The following BABAM2 variants were observed in gnomAD, a reference collection of about 807,000 sequenced individuals.
BABAM2 encodes BRISC and BRCA1 A complex member 2.
BABAM2 carries 31 observed loss-of-function variants against 54.7 expected under a neutral mutation model. The ratio of observed to expected loss-of-function variants is 0.57; its 90% CI spans 0.43 to 0.77. BABAM2 has a LOEUF of 0.77. Ranked by LOEUF, BABAM2 falls within the 30% of genes least tolerant of loss-of-function variation. BABAM2 has a pLI of 0.00. For missense variants in BABAM2, 364 were observed against 455.8 expected (o/e 0.80, Z 1.83); for synonymous variants, 167 against 162.9 (o/e 1.03, Z -0.19).
intron 7 of BABAM2, among the ~76,000 whole-genome samples, chr2:28,149,769 C>G (rs1671842772): frequency 6.6e-6 from 1 of 152,198 alleles, no homozygotes; most frequent in Non-Finnish European, 1.5e-5. Context: ...CCTTCCTTCT[C>G]TGGCTGCTTT....
chr2:28,102,202 A>T (rs147457292), intron 6 of BABAM2, among the ~76,000 whole-genome samples: 1 of 152,338 alleles, frequency 6.6e-6, no homozygotes, highest in African/African-American at 2.4e-5. Flanking sequence ...TTTTGAATAA[A>T]TAAATGAATA....
chr2:28,226,625 G>A (rs1473660819), intron 7 of BABAM2, among the ~76,000 whole-genome samples: 4 of 152,156 alleles, frequency 2.6e-5, no homozygotes, highest in Non-Finnish European at 5.9e-5. Context: ...AGAGATGGAA[G>A]GGGCTTATCT....
chr2:28,332,448 T>G (rs960844495), intron 11 of BABAM2, among the ~76,000 whole-genome samples: 5 of 152,118 alleles, frequency 3.3e-5, no homozygotes, highest in African/African-American at 1.2e-4. Flanking sequence ...GTAGAAATCA[T>G]CCTGTTACAG....
rs1167991146 is a variant in BABAM2 at position 27,970,983 on chromosome 2, G to A, written c.206-17010G>A. 2.0e-5 allele frequency among the ~76,000 whole-genome samples: 3 copies of A among 152,056 alleles called. No homozygotes were observed. The East Asian group carries it at 5.8e-4, about 29-fold the overall frequency. On this transcript the variant is annotated intron_variant, in intron 3 of 11. Transcript: ENST00000379624. ...TTGTCAAGCTTTTAAAATAAGTGAT[G>A]TTATATACTTCTCAGTGCAGTTACC... is the stretch of plus-strand genomic sequence containing the variant.
intron 10 of BABAM2, among the ~76,000 whole-genome samples, chr2:28,261,450 C>T (rs979175726): frequency 2.0e-5 from 3 of 151,908 alleles, no homozygotes; most frequent in South Asian, 2.1e-4. Flanking sequence ...CTGCCTCAGC[C>T]TCCCGAGTAG....
intron 6 of BABAM2, among the ~76,000 whole-genome samples, chr2:28,126,747 T>C (rs1413952566): frequency 2.1e-5 from 3 of 143,896 alleles, no homozygotes; most frequent in African/African-American, 7.8e-5. Context: ...TGAACTAGTT[T>C]ACAGTCCCAC....
intron 2 of BABAM2, among the ~76,000 whole-genome samples, chr2:27,924,923 A>G (rs1667578457): frequency 6.6e-6 from 1 of 152,244 alleles, no homozygotes; most frequent in South Asian, 2.1e-4. Flanking sequence ...TGATTTGCCC[A>G]ACATTTCATT....
At chr2:28,184,295 C>T (rs1308438942) in intron 7 of BABAM2, among the ~76,000 whole-genome samples, 3 of 122,452 alleles carry the variant, frequency 2.4e-5, no homozygotes, top group Non-Finnish European at 5.3e-5. Context: ...TCCCCCCCTC[C>T]CTCTCTCCCT....
At chr2:28,098,391 T>C (rs1222067390) in intron 6 of BABAM2, among the ~76,000 whole-genome samples, 1 of 152,248 alleles carries the variant, frequency 6.6e-6, no homozygotes, top group Non-Finnish European at 1.5e-5. Context: ...ATTTTTATCC[T>C]GCAACTTTGC....
intron 10 of BABAM2, among the ~76,000 whole-genome samples, chr2:28,262,485 T>G (rs1684618753): frequency 6.6e-6 from 1 of 151,910 alleles, no homozygotes; most frequent in Non-Finnish European, 1.5e-5. Context: ...GGAAGAAAAA[T>G]GTTTAAGAAA....
intron 3 of BABAM2, among the ~76,000 whole-genome samples, chr2:27,943,687 G>A (rs1326669042): frequency 6.6e-6 from 1 of 152,126 alleles, no homozygotes; most frequent in Non-Finnish European, 1.5e-5. Context: ...ATGCTGTCTA[G>A]GGACTTAGTA....
At chr2:28,248,207 C>CTTTTTTTTTTTT (rs780563394) in intron 10 of BABAM2, among the ~76,000 whole-genome samples, 4 of 54,306 alleles carry the variant, frequency 7.4e-5, no homozygotes, top group African/African-American at 1.3e-4. Flanking sequence ...TTTTCTTTTT[C>CTTTTTTTTTTTT]TTTTTTTTTT....
intron 11 of BABAM2, among the ~76,000 whole-genome samples, chr2:28,314,920 G>A (rs185045102): frequency 6.6e-5 from 10 of 151,318 alleles, no homozygotes; most frequent in East Asian, 2.0e-4. Context: ...GAGGTATGCC[G>A]GTGTCCACTG....
chr2:27,909,732 A>T (rs1666443185), intron 2 of BABAM2, among the ~76,000 whole-genome samples: 1 of 152,158 alleles, frequency 6.6e-6, no homozygotes, highest in Non-Finnish European at 1.5e-5. Flanking sequence ...GTGGCAAAGG[A>T]CACCCATTTA....
intron 6 of BABAM2, among the ~76,000 whole-genome samples, chr2:28,120,177 C>T (rs1351326703): frequency 6.6e-6 from 1 of 152,156 alleles, no homozygotes; most frequent in Non-Finnish European, 1.5e-5. Context: ...GACATTAAAA[C>T]ACATAAAGCA....
At chr2:27,900,048 A>C (rs1313574754) in intron 2 of BABAM2, among the ~76,000 whole-genome samples, 3 of 152,210 alleles carry the variant, frequency 2.0e-5, no homozygotes, top group Non-Finnish European at 2.9e-5. Context: ...TCGTTTCTGT[A>C]ACAAAACAAT....
At chr2:28,292,494 C>T (rs550465093) in intron 10 of BABAM2, among the ~76,000 whole-genome samples, 19 of 152,260 alleles carry the variant, frequency 1.2e-4, no homozygotes, top group South Asian at 4.1e-4. Flanking sequence ...TTTGACTGCA[C>T]GTATCAGAAG....
chr2:28,333,630 A>G (rs1032325897), intron 11 of BABAM2, among the ~76,000 whole-genome samples: 46 of 152,216 alleles, frequency 3.0e-4, no homozygotes, highest in African/African-American at 8.9e-4. Flanking sequence ...GAGCAGAGAG[A>G]CTGAGATCAG....
chr2:28,279,571 T>C (rs1686167470), intron 10 of BABAM2, among the ~76,000 whole-genome samples: 1 of 152,118 alleles, frequency 6.6e-6, no homozygotes, highest in Non-Finnish European at 1.5e-5. Context: ...GCAGAGTTCA[T>C]TTTTGCTTCA....
Sources: allele counts gnomAD v4.1 joint callset (sites outside exome capture counted in the v4.1 genomes callset), GRCh38; gene constraint gnomAD v4.1.1; transcripts MANE v1.5; gene names NCBI Gene and HGNC (gene_info 2026-07-23, HGNC 2026-07-21).